The following ARHGEF33 variants were observed in gnomAD, a reference collection of about 807,000 sequenced individuals.
ARHGEF33 encodes the protein DH and coiled-coil domain-containing protein ENSP00000381780.
Under a neutral mutation model 101.9 loss-of-function variants are expected in ARHGEF33, and 72 were observed. The observed-to-expected ratio is 0.71, with a 90% confidence interval of 0.58 to 0.86. The LOEUF is 0.86. ARHGEF33 is among the 40% of genes least tolerant of loss of function. ARHGEF33 has a pLI of 0.00. For synonymous variants in ARHGEF33, 499 were observed against 442.5 expected (o/e 1.13, Z -1.60); for missense variants, 1,169 against 1,111.3 (o/e 1.05, Z -0.74).
At chr2:38,918,877 C>CAAAAA (rs1181241601) in intron 2 of ARHGEF33, among the ~76,000 whole-genome samples, 1 of 51,238 alleles carries the variant, frequency 2.0e-5, no homozygotes, top group Admixed American at 2.0e-4. Flanking sequence ...CCCATCTCTA[C>CAAAAA]AAAAAAAAAA....
chr2:38,933,422 C>T (rs767136527), intron 7 of ARHGEF33, among the ~76,000 whole-genome samples: 3 of 152,078 alleles, frequency 2.0e-5, no homozygotes, highest in Admixed American at 6.5e-5. Flanking sequence ...TTGCTCTTGC[C>T]GCCCAGGCTG....
rs559454661 is a variant in ARHGEF33, at chr2:38,948,575, G to A, written c.921-2414G>A. Among the ~76,000 whole-genome samples, 3 of 151,974 alleles carry A rather than the reference G, an allele frequency of 2.0e-5. No homozygotes were observed. In the East Asian group the frequency reaches 5.8e-4, roughly 29 times the overall value. ...GAGAGGGAGGGAAGGAGGGAGAGAG[G>A]AAGGGAGGAAGAAAGGGAGGGAGGG... On this transcript the variant is annotated intron_variant, in intron 10 of 17. Coordinates refer to ENST00000409978, the MANE Select transcript of ARHGEF33 (RefSeq NM_001145451.5).
chr2:38,961,394 G>T (rs1053765175), intron 16 of ARHGEF33, among the ~76,000 whole-genome samples: 1 of 152,138 alleles, frequency 6.6e-6, no homozygotes, highest in Non-Finnish European at 1.5e-5. Context: ...TGATATTTTG[G>T]TGTCTAATTG....
chr2:38,949,228 C>T (rs1016513332), intron 10 of ARHGEF33, among the ~76,000 whole-genome samples: 18 of 152,262 alleles, frequency 1.2e-4, no homozygotes, highest in Admixed American at 2.0e-4. Flanking sequence ...CAGTTGTCCA[C>T]GAGTTTACTC....
intron 2 of ARHGEF33, among the ~76,000 whole-genome samples, chr2:38,897,640 C>T (rs978324524): frequency 3.9e-5 from 6 of 152,130 alleles, no homozygotes; most frequent in African/African-American, 1.4e-4. Flanking sequence ...TTGTGGAAAC[C>T]TTGGGAGTAT....
rs146176316 is a variant in ARHGEF33 at position 38,959,435 on chromosome 2, T to G, written c.1536-406T>G. The G allele has an allele frequency of 2.1e-3, 339 of 163,882 alleles. 4 individuals carry two copies. Among genetic ancestry groups the G allele is most frequent in the African/African-American group, 6.8e-3 (288 of 42,068 alleles). The allele number at this position is 163,882 out of a possible 1,614,324, so 10.2% of individuals were successfully genotyped here. A position where few individuals can be genotyped will look rare whatever the true frequency, so the allele number is the denominator to read the frequency against. ...ACTTTATCTAGGAACGTAATTTGTT[T>G]CTGAGTGTGAAGATCCACAAGTCGA... is the stretch of plus-strand genomic sequence containing the variant. On this transcript the variant is annotated intron_variant, in intron 15 of 17. Coordinates refer to ENST00000409978, the MANE Select transcript of ARHGEF33 (RefSeq NM_001145451.5).
At position 38,973,932 on chromosome 2, in the gene ARHGEF33, CTA is replaced by C. The variant is rs141703594; in HGVS notation, c.*105_*106del. ...TAGGAATATATATATATATCTATAT[CTA>C]TATATATATATATATCGATGTATAA... On this transcript the variant is annotated 3_prime_UTR_variant, in exon 18 of 18. Transcript: ENST00000409978. 29,686 of 588,078 alleles carry C rather than the reference CTA, an allele frequency of 0.05. 7 individuals are homozygous for C. Among genetic ancestry groups the C allele is most frequent in the East Asian group, 0.073 (1,036 of 14,132 alleles). 36.4% of individuals were successfully genotyped at this position (588,078 alleles called of 1,614,324 possible).
chr2:38,960,120 C>T lies in ARHGEF33; in HGVS notation c.1815C>T (p.Ala605=), dbSNP rs1443005695. The change falls in exon 16 of 18, where the codon GCC becomes GCT. Residue 605 remains alanine, a synonymous_variant. Coordinates refer to ENST00000409978, the MANE Select transcript of ARHGEF33 (RefSeq NM_001145451.5). The part of the protein sequence containing the change: ...LRAPAELLPD[A]RGFVPAAYEE... ...CCCCGGCCGAGCTCCTGCCCGATGC[C>T]CGCGGCTTCGTGCCCGCGGCCTACG... The T allele has an allele frequency of 2.6e-6, 4 of 1,542,386 alleles. No individual in the cohort carries two copies. The highest frequency in any genetic ancestry group is 3.9e-5 in the Admixed American group (2 of 50,898).
chr2:38,958,775 A>G (rs1667839092), intron 15 of ARHGEF33, among the ~76,000 whole-genome samples: 1 of 152,128 alleles, frequency 6.6e-6, no homozygotes, highest in Non-Finnish European at 1.5e-5. Context: ...TCCGCCTCCC[A>G]GGTTCAAGGG....
intron 11 of ARHGEF33, 107 bp from the exon 12 acceptor site, chr2:38,953,055 T>G (rs1667651585): frequency 1.6e-6 from 1 of 644,486 alleles, no homozygotes; most frequent in South Asian, 1.9e-5. Context: ...ATTAAATGAA[T>G]AAGATAATCT....
intron 8 of ARHGEF33, 22 bp from the exon 9 acceptor site, chr2:38,937,313 G>GGGGGGCCCCC: frequency 1.8e-6 from 1 of 568,620 alleles, no homozygotes; most frequent in Non-Finnish European, 3.1e-6. Flanking sequence ...TTGTTTCCCC[G>GGGGGGCCCCC]CCCCTCCCCC....
At chr2:38,972,034 A>C in intron 17 of ARHGEF33, 1 of 693,872 alleles carries the variant, frequency 1.4e-6, no homozygotes, top group Non-Finnish European at 2.7e-6. Flanking sequence ...GGGAAATACG[A>C]GGCAAAGATT....
intron 17 of ARHGEF33, among the ~76,000 whole-genome samples, chr2:38,972,174 A>G (rs996949475): frequency 6.6e-6 from 1 of 152,216 alleles, no homozygotes; most frequent in Non-Finnish European, 1.5e-5. Context: ...TCTTCTGAAT[A>G]ATGGAAGACA....
chr2:38,920,035 C>T (rs892354654), intron 3 of ARHGEF33, among the ~76,000 whole-genome samples: 1 of 152,164 alleles, frequency 6.6e-6, no homozygotes, highest in African/African-American at 2.4e-5. Flanking sequence ...TTTGGGTAAC[C>T]TCACATCATA....
chr2:38,937,311 C>CGGGGGGGGG, intron 8 of ARHGEF33, 24 bp from the exon 9 acceptor site: 1 of 583,932 alleles, frequency 1.7e-6, no homozygotes, highest in Non-Finnish European at 3.0e-6. Flanking sequence ...CTTTGTTTCC[C>CGGGGGGGGG]CGCCCCTCCC....
chr2:38,903,973 A>G (rs1666331073), intron 2 of ARHGEF33, among the ~76,000 whole-genome samples: 1 of 152,200 alleles, frequency 6.6e-6, no homozygotes. Flanking sequence ...CTTCTACCCT[A>G]TGTTAGAATA....
At chr2:38,924,991 A>C (rs1366493980) in intron 4 of ARHGEF33, among the ~76,000 whole-genome samples, 1 of 152,214 alleles carries the variant, frequency 6.6e-6, no homozygotes, top group Non-Finnish European at 1.5e-5. Flanking sequence ...AATTCATAGG[A>C]TGGGATATCA....
intron 2 of ARHGEF33, among the ~76,000 whole-genome samples, chr2:38,897,543 A>C (rs1323905030): frequency 6.6e-6 from 1 of 152,200 alleles, no homozygotes; most frequent in African/African-American, 2.4e-5. Flanking sequence ...GAGTAATTAT[A>C]GACTCCTTTG....
At chr2:38,908,716 G>T (rs888750078) in intron 2 of ARHGEF33, among the ~76,000 whole-genome samples, 2 of 152,192 alleles carry the variant, frequency 1.3e-5, no homozygotes, top group Non-Finnish European at 2.9e-5. Context: ...GCACTTTGGT[G>T]TTGCTGGCCG....
Sources: gnomAD v4.1 joint callset for allele counts (sites outside exome capture counted in the v4.1 genomes callset) on GRCh38, gnomAD v4.1.1 for gene constraint, MANE v1.5 for transcripts, NCBI Gene and HGNC (gene_info 2026-07-23, HGNC 2026-07-21) for gene names.